RICTOR: variants seen among roughly 807,000 people sequenced by gnomAD.
The protein encoded by RICTOR is RPTOR independent companion of MTOR complex 2.
In RICTOR, 49 loss-of-function variants were observed where a neutral mutation model predicts 214.9. That is an observed-to-expected ratio of 0.23 (90% CI 0.18 to 0.29). The LOEUF (loss-of-function observed/expected upper bound fraction) is 0.29. RICTOR is among the 10% of genes least tolerant of loss of function. The pLI, the probability that RICTOR is intolerant of heterozygous loss-of-function variation, is 1.00. For missense variants in RICTOR, 1,625 were observed against 2,047.0 expected (o/e 0.79, Z 3.98); for synonymous variants, 717 against 711.3 (o/e 1.01, Z -0.13).
chr5:39,001,691 A>G (rs896623659), intron 5 of RICTOR, among the ~76,000 whole-genome samples: 1 of 152,080 alleles, frequency 6.6e-6, no homozygotes, highest in Admixed American at 6.5e-5. Flanking sequence ...CTACATAACA[A>G]GAAAGATAAT....
At chr5:38,990,679 TATATC>T (rs1354018923) in intron 7 of RICTOR, among the ~76,000 whole-genome samples, 1 of 99,782 alleles carries the variant, frequency 1.0e-5, no homozygotes, top group African/African-American at 3.9e-5. Context: ...ATATATCAGA[TATATC>T]ATATATATGA....
At chr5:39,049,608 GTAAAAAGAACAC>G (rs971533967) in intron 2 of RICTOR, among the ~76,000 whole-genome samples, 14 of 126,580 alleles carry the variant, frequency 1.1e-4, no homozygotes, top group Non-Finnish European at 2.0e-4. Context: ...AAAAAAAGAA[GTAAAAAGAACAC>G]TAAAGAGAAC....
At chr5:38,952,113 T>A (rs966168622) in intron 30 of RICTOR, 83 bp downstream of exon 30, 2 of 831,284 alleles carry the variant, frequency 2.4e-6, no homozygotes, top group Non-Finnish European at 3.9e-6. Flanking sequence ...AAATTACAAA[T>A]GTAACAAATA....
chr5:39,069,102 ATAG>A (rs1446196515), intron 2 of RICTOR, among the ~76,000 whole-genome samples: 2 of 152,240 alleles, frequency 1.3e-5, no homozygotes, highest in Non-Finnish European at 2.9e-5. Flanking sequence ...AGTATGTATA[ATAG>A]TAGAATGTGG....
In RICTOR at chr5:38,950,679, T is replaced by C. The variant is rs1230113532; in HGVS notation, c.3169A>G (p.Thr1057Ala). The change falls in exon 31 of 38, where the codon ACT becomes GCT. Residue 1057 changes from threonine to alanine, a missense_variant. By Grantham distance (58) the Thr-to-Ala change is moderately conservative. Coordinates refer to ENST00000357387, the MANE Select transcript of RICTOR (RefSeq NM_152756.5). ...LEDDRFGSSSTSTFFLDINED... is the reference protein window; with the variant it reads ...LEDDRFGSSSASTFFLDINED... Reference sequence around the variant, plus strand: ...TTGATATCAAGGAAAAATGTGCTAGTAGAGCTGCTGCCAAACCGGTCATCC... The same window carrying C: ...TTGATATCAAGGAAAAATGTGCTAGCAGAGCTGCTGCCAAACCGGTCATCC... 3.1e-6 allele frequency: 5 copies of C among 1,606,286 alleles called. No homozygotes were observed. The Admixed American group carries it at 6.8e-5, about 22-fold the overall frequency.
intron 3 of RICTOR, among the ~76,000 whole-genome samples, chr5:39,006,412 T>C (rs553520128): frequency 7.2e-5 from 11 of 152,230 alleles, no homozygotes; most frequent in African/African-American, 9.6e-5. Context: ...AATTGATTTA[T>C]TGCGGCTAAC....
chr5:38,953,143 G>T, intron 28 of RICTOR, 52 bp from the exon 29 acceptor site: 2 of 1,274,152 alleles, frequency 1.6e-6, no homozygotes, highest in Non-Finnish European at 2.2e-6. Flanking sequence ...TCTTTCAAAA[G>T]ATTTGGAAAG....
At chr5:39,047,008 T>C (rs1477483145) in intron 2 of RICTOR, among the ~76,000 whole-genome samples, 1 of 152,210 alleles carries the variant, frequency 6.6e-6, no homozygotes, top group Non-Finnish European at 1.5e-5. Context: ...TCTGTATGTT[T>C]TGTGGTGTGT....
At position 39,021,149 on chromosome 5, in the gene RICTOR, A is replaced by C; in HGVS notation, c.98-13T>G. 1 of 1,385,376 alleles carries C rather than the reference A, an allele frequency of 7.2e-7. No homozygotes were observed. Among genetic ancestry groups the C allele is most frequent in the Non-Finnish European group, 1.0e-6 (1 of 971,272 alleles). The allele number at this position is 1,385,376 out of a possible 1,614,324, so 85.8% of individuals were successfully genotyped here. On this transcript the variant is annotated splice_polypyrimidine_tract_variant and intron_variant, in intron 2 of 37. Transcript: ENST00000357387. ...TTATCAGAAGGTTCTAGAAGGAAAG[A>C]CAAGACAATTTAACACAATTTTATG...
At chr5:39,008,970 C>G (rs769556772) in intron 3 of RICTOR, among the ~76,000 whole-genome samples, 23 of 151,780 alleles carry the variant, frequency 1.5e-4, no homozygotes, top group Non-Finnish European at 3.1e-4. Context: ...TATCAACATA[C>G]AAAATATTGT....
chr5:39,032,601 G>C (rs1235170270), intron 2 of RICTOR, among the ~76,000 whole-genome samples: 1 of 152,112 alleles, frequency 6.6e-6, no homozygotes, highest in East Asian at 1.9e-4. Flanking sequence ...TGAGGACACA[G>C]GGCAAGCCAC....
chr5:38,958,651 A>G lies in RICTOR; in HGVS notation c.2343+16T>C. 6.4e-7 allele frequency: 1 copy of G among 1,572,854 alleles called. No individual in the cohort carries two copies. Among genetic ancestry groups the G allele is most frequent in the Non-Finnish European group, 8.6e-7 (1 of 1,161,298 alleles). On this transcript the variant is annotated intron_variant, in intron 23 of 37. Coordinates refer to ENST00000357387, the MANE Select transcript of RICTOR (RefSeq NM_152756.5). ...AAAAAAATTTAAGTATTAAATTATA[A>G]AAAATGAACCTTTACCTTGTCTTCA...
intron 2 of RICTOR, among the ~76,000 whole-genome samples, chr5:39,050,159 T>A (rs137964466): frequency 2.0e-5 from 3 of 151,180 alleles, no homozygotes; most frequent in African/African-American, 7.3e-5. Flanking sequence ...ATGAACAACT[T>A]GCTTTTTTAC....
At chr5:39,012,192 G>A (rs752922122) in intron 3 of RICTOR, among the ~76,000 whole-genome samples, 5 of 152,114 alleles carry the variant, frequency 3.3e-5, no homozygotes, top group African/African-American at 7.2e-5. Flanking sequence ...CACTATCACC[G>A]CTTTTATAAG....
In RICTOR at chr5:38,939,909, A is replaced by G. The variant is rs928000702; in HGVS notation, c.*2395T>C. 2.2e-5 allele frequency: 5 copies of G among 227,454 alleles called. No homozygotes were observed. Among genetic ancestry groups the G allele is most frequent in the Non-Finnish European group, 4.4e-5 (5 of 114,420 alleles). The allele number at this position is 227,454 out of a possible 1,614,324, so 14.1% of individuals were successfully genotyped here. ...AAGTTAATCACTTGGCACTGCATGTATTTTTCACCATAAAGTCTACTTTTT... is the reference window on the plus strand; with the variant it reads ...AAGTTAATCACTTGGCACTGCATGTGTTTTTCACCATAAAGTCTACTTTTT... On this transcript the variant is annotated 3_prime_UTR_variant, in exon 38 of 38. Coordinates refer to ENST00000357387, the MANE Select transcript of RICTOR (RefSeq NM_152756.5).
rs192816823 is a variant in RICTOR at position 39,041,333 on chromosome 5, A to T, written c.98-20197T>A. On this transcript the variant is annotated intron_variant, in intron 2 of 37. Transcript: ENST00000357387. ...CTTCAGAAAACAGGATGATGAGAAT[A>T]AATGAAAATGGAGCTAGATTCCAAC... Among the ~76,000 whole-genome samples the T allele has an allele frequency of 7.2e-4, 110 of 152,342 alleles. 1 individual carries two copies. Among genetic ancestry groups the T allele is most frequent in the African/African-American group, 2.6e-3 (110 of 41,592 alleles).
rs150726233 is a variant in RICTOR, at chr5:39,040,467, A to T, written c.98-19331T>A. Among the ~76,000 whole-genome samples, 825 of 152,282 alleles carry T rather than the reference A, an allele frequency of 5.4e-3. 10 individuals carry two copies. Among genetic ancestry groups the T allele is most frequent in the African/African-American group, 0.019 (784 of 41,572 alleles). On this transcript the variant is annotated intron_variant, in intron 2 of 37. Transcript: ENST00000357387. ...TGTACCCTAAAACTTAAAGTATAAC[A>T]ATCATAAAATTAAAAAAGTTGTATA... is the stretch of plus-strand genomic sequence containing the variant.
At chr5:39,047,149 G>C (rs75681807) in intron 2 of RICTOR, among the ~76,000 whole-genome samples, 3,564 of 152,232 alleles carry the variant, frequency 0.023, 63 homozygotes, top group Non-Finnish European at 0.037. Context: ...CATCCAAGTA[G>C]TCATCAAGTA....
chr5:38,978,640 G>T lies in RICTOR; in HGVS notation c.764C>A (p.Ala255Glu). ...TCTGTAGTGAAAATCAGTATAGGGT[G>T]CTAAAATTCTCTATTTAAAAAAAAA... Reference protein sequence around the residue: ...RADVELERILAPYTDFHYRHS... With the variant: ...RADVELERILEPYTDFHYRHS... The change falls in exon 9 of 38, where the codon GCA becomes GAA. Residue 255 changes from alanine to glutamate, a missense_variant. This residue lies in a region of RICTOR where 258 missense variants were observed against 393.7 expected (regional missense o/e 0.66). Transcript: ENST00000357387. The T allele has an allele frequency of 6.5e-7, 1 of 1,526,814 alleles. No homozygotes were observed. 94.6% of individuals were successfully genotyped at this position (1,526,814 alleles called of 1,614,324 possible). A position where few individuals can be genotyped will look rare whatever the true frequency, so the allele number is the denominator to read the frequency against.
Sources: allele counts gnomAD v4.1 joint callset (sites outside exome capture counted in the v4.1 genomes callset), GRCh38; gene constraint gnomAD v4.1.1; regional missense constraint gnomAD v4.1.1; transcripts MANE v1.5; gene names NCBI Gene and HGNC (gene_info 2026-07-23, HGNC 2026-07-21).